ARHGAP25: variants seen among roughly 807,000 people sequenced by gnomAD.
ARHGAP25 encodes Rho GTPase activating protein 25.
A neutral mutation model predicts 71.0 loss-of-function variants in ARHGAP25; 34 were observed. That is an observed-to-expected ratio of 0.48 (90% CI 0.36 to 0.64). The LOEUF (loss-of-function observed/expected upper bound fraction) is 0.64. ARHGAP25 is among the 30% of genes least tolerant of loss of function. The pLI is 0.00. For missense variants in ARHGAP25, 706 were observed against 805.1 expected (o/e 0.88, Z 1.49); for synonymous variants, 282 against 296.5 (o/e 0.95, Z 0.50).
upstream of ARHGAP25, among the ~76,000 whole-genome samples, chr2:68,733,918 A>T (rs1039307700): frequency 6.6e-6 from 1 of 152,206 alleles, no homozygotes; most frequent in African/African-American, 2.4e-5. Context: ...TATTTGCCCC[A>T]TCTACAGATA....
rs150035391 is a variant in ARHGAP25, at chr2:68,822,483, A to G, written c.1344A>G (p.Lys448=). ...RKRTQTLPNR[K]CFLTSAFQGA... is the part of the protein sequence containing the mutation. ...GGACTCAAACACTCCCTAACCGGAA[A>G]TGTTTCTTGACATCAGCTTTTCAGG... The change falls in exon 10 of 11, where the codon AAA becomes AAG. Residue 448 remains lysine (K), a synonymous_variant. Coordinates refer to ENST00000409202, the MANE Select transcript of ARHGAP25 (RefSeq NM_001007231.3). 2.5e-6 allele frequency: 4 copies of G among 1,614,118 alleles called. No individual in the cohort carries two copies. In the African/African-American group the frequency reaches 5.3e-5, roughly 22 times the overall value.
In ARHGAP25 at chr2:68,813,292, C is replaced by G; in HGVS notation, c.680C>G (p.Thr227Arg). The G allele has an allele frequency of 6.2e-7, 1 of 1,607,998 alleles. No individual in the cohort carries two copies. The highest frequency in any genetic ancestry group is 8.5e-7 in the Non-Finnish European group (1 of 1,178,228). The change falls in exon 6 of 11, where the codon ACA becomes AGA. Residue 227 changes from threonine to arginine, a missense_variant. Transcript: ENST00000409202. ...AGERPSFDRD[T>R]DVHTVASLLK... ...CGTTGCTTATTTTCTTCCAGAGACA[C>G]AGATGTGCACACTGTGGCTTCCCTG...
chr2:68,800,339 A>C (rs189793584), intron 4 of ARHGAP25, among the ~76,000 whole-genome samples: 1 of 152,156 alleles, frequency 6.6e-6, no homozygotes, highest in East Asian at 1.9e-4. Flanking sequence ...TTCTATTTCC[A>C]CTTCCCCAAA....
At chr2:68,749,609 T>A (rs892437101) in intron 1 of ARHGAP25, among the ~76,000 whole-genome samples, 2 of 152,196 alleles carry the variant, frequency 1.3e-5, no homozygotes, top group Non-Finnish European at 2.9e-5. Flanking sequence ...CTAAAGGGAA[T>A]CATGCAAAGG....
chr2:68,823,381 A>G (rs1323555515), intron 10 of ARHGAP25, among the ~76,000 whole-genome samples: 2 of 152,336 alleles, frequency 1.3e-5, no homozygotes, highest in East Asian at 3.9e-4. Flanking sequence ...GTGGAGAAAA[A>G]TAAAGTGGGT....
intron 3 of ARHGAP25, among the ~76,000 whole-genome samples, chr2:68,782,880 G>A (rs1678440965): frequency 6.6e-6 from 1 of 152,202 alleles, no homozygotes; most frequent in Admixed American, 6.5e-5. Flanking sequence ...TTTGGGTCAT[G>A]CTCCTGGATC....
rs181027473 is a variant in ARHGAP25 at position 68,717,018 on chromosome 2, G to A, written c.-18+6320G>A. On this transcript the variant is annotated intron_variant and NMD_transcript_variant, in intron 2 of 7. Transcript: ENST00000463483. Reference sequence around the variant, plus strand: ...AATGAAGATATGTTCTGAGAAATAGGTTGTTAGGTGATTTCAGGTGATTTC... The same window carrying A: ...AATGAAGATATGTTCTGAGAAATAGATTGTTAGGTGATTTCAGGTGATTTC... Among the ~76,000 whole-genome samples, 40 of 152,284 alleles carry A rather than the reference G, an allele frequency of 2.6e-4. No homozygotes were observed. In the South Asian group the frequency reaches 5.4e-3, roughly 21 times the overall value.
chr2:68,788,157 C>T (rs1291357708), intron 4 of ARHGAP25, among the ~76,000 whole-genome samples: 1 of 152,204 alleles, frequency 6.6e-6, no homozygotes, highest in Non-Finnish European at 1.5e-5. Context: ...CCCTGCGGCA[C>T]CTGGGTCATC....
At chr2:68,738,196 C>T (rs916718448) in intron 1 of ARHGAP25, among the ~76,000 whole-genome samples, 4 of 151,262 alleles carry the variant, frequency 2.6e-5, no homozygotes, top group South Asian at 2.1e-4. Context: ...ACTGCCTTCA[C>T]GCAGTTACTC....
intron 3 of ARHGAP25, among the ~76,000 whole-genome samples, chr2:68,786,494 C>G (rs1272252137): frequency 6.6e-6 from 1 of 152,226 alleles, no homozygotes; most frequent in Non-Finnish European, 1.5e-5. Context: ...ATAATACTAA[C>G]TCCTTATTCT....
At chr2:68,736,347 G>T (rs1052542956) in intron 1 of ARHGAP25, among the ~76,000 whole-genome samples, 11 of 152,268 alleles carry the variant, frequency 7.2e-5, no homozygotes, top group Middle Eastern at 3.4e-3. Flanking sequence ...GTATGCTGAG[G>T]TCAGTTCAGA....
chr2:68,714,896 A>G (rs1674573945), intron 2 of ARHGAP25, among the ~76,000 whole-genome samples: 1 of 152,216 alleles, frequency 6.6e-6, no homozygotes, highest in Admixed American at 6.5e-5. Flanking sequence ...GAAAAATACA[A>G]TGGGTTCAGA....
At chr2:68,780,139 C>G (rs1053843871) in intron 2 of ARHGAP25, among the ~76,000 whole-genome samples, 1 of 152,208 alleles carries the variant, frequency 6.6e-6, no homozygotes. Context: ...AACAGTCCTT[C>G]CCTCCTAGAC....
Position 68,819,198 on chromosome 2 carries a change from T to C in ARHGAP25, c.1079T>C (p.Ile360Thr). The C allele has an allele frequency of 6.2e-7, 1 of 1,613,916 alleles. No individual in the cohort carries two copies. Among genetic ancestry groups the C allele is most frequent in the Non-Finnish European group, 8.5e-7 (1 of 1,179,924 alleles). The part of the protein sequence containing the change: ...HEVLFPKSKD[I>T]PLSPPAQKND... Reference sequence around the variant, plus strand: ...GTCCTCTTCCCCAAGTCCAAGGATATACCCCTGTCACCCCCTGCCCAGAAA... The same window carrying C: ...GTCCTCTTCCCCAAGTCCAAGGATACACCCCTGTCACCCCCTGCCCAGAAA... The change falls in exon 9 of 11, where the codon ATA becomes ACA. Residue 360 changes from isoleucine to threonine, a missense_variant. Physicochemically the swap from Ile to Thr is moderately conservative, Grantham distance 89. Transcript: ENST00000409202.
At chr2:68,738,615 C>T (rs2104284863) in intron 1 of ARHGAP25, among the ~76,000 whole-genome samples, 1 of 152,050 alleles carries the variant, frequency 6.6e-6, no homozygotes, top group African/African-American at 2.4e-5. Context: ...ATAAAGGTCC[C>T]CGATAGATAA....
chr2:68,717,495 A>G lies in ARHGAP25; in HGVS notation c.-18+6797A>G, dbSNP rs146258966. Among the ~76,000 whole-genome samples the G allele has an allele frequency of 3.6e-3, 543 of 152,302 alleles. 1 individual carries two copies. Among genetic ancestry groups the G allele is most frequent in the Middle Eastern group, 0.01 (3 of 294 alleles). On this transcript the variant is annotated intron_variant and NMD_transcript_variant, in intron 2 of 7. Coordinates refer to the ARHGAP25 transcript ENST00000463483. ...GACACTTCCTCTGCAAAAGACGATAACTTAATCACAGCCTCTGACAGGTTT... is the reference window on the plus strand; with the variant it reads ...GACACTTCCTCTGCAAAAGACGATAGCTTAATCACAGCCTCTGACAGGTTT...
chr2:68,820,457 C>T (rs1032232233), intron 9 of ARHGAP25, among the ~76,000 whole-genome samples: 31 of 152,112 alleles, frequency 2.0e-4, no homozygotes, highest in Non-Finnish European at 8.8e-5. Context: ...CCTTCAGAAC[C>T]CAGGTACCTC....
At chr2:68,802,707 A>AG (rs1680078311) in intron 4 of ARHGAP25, among the ~76,000 whole-genome samples, 3 of 148,164 alleles carry the variant, frequency 2.0e-5, no homozygotes, top group African/African-American at 5.0e-5. Flanking sequence ...ATAGAGGAGA[A>AG]AGAGAGAGAG....
chr2:68,778,018 A>G (rs1465293007), intron 2 of ARHGAP25, among the ~76,000 whole-genome samples: 1 of 152,158 alleles, frequency 6.6e-6, no homozygotes, highest in East Asian at 1.9e-4. Flanking sequence ...ATTCTACAAT[A>G]TAATTCTTAG....
Sources: gnomAD v4.1 joint callset for allele counts (sites outside exome capture counted in the v4.1 genomes callset) on GRCh38, gnomAD v4.1.1 for gene constraint, MANE v1.5 for transcripts, NCBI Gene and HGNC (gene_info 2026-07-23, HGNC 2026-07-21) for gene names.